Variants in FBXL17 observed in about 807,000 individuals in gnomAD.
FBXL17 encodes the protein F-box/LRR-repeat protein 17.
In FBXL17, 22 loss-of-function variants were observed where a neutral mutation model predicts 66.2. The observed-to-expected ratio is 0.33, with a 90% confidence interval of 0.24 to 0.47. The LOEUF is 0.47. FBXL17 is among the 20% of genes least tolerant of loss of function. FBXL17 has a pLI of 1.00. For synonymous variants in FBXL17, 474 were observed against 400.5 expected (o/e 1.18, Z -2.19); for missense variants, 878 against 948.2 (o/e 0.93, Z 0.97).
At chr5:108,347,508 A>T (rs1747360561) in intron 4 of FBXL17, among the ~76,000 whole-genome samples, 1 of 152,230 alleles carries the variant, frequency 6.6e-6, no homozygotes, top group South Asian at 2.1e-4. Flanking sequence ...TCAGCCATAA[A>T]ACATAATAAA....
chr5:107,938,153 G>A (rs1398289606), intron 7 of FBXL17, among the ~76,000 whole-genome samples: 2 of 152,094 alleles, frequency 1.3e-5, no homozygotes, highest in Admixed American at 1.3e-4. Context: ...ATGCAAGCCT[G>A]CTGATTAGAC....
chr5:107,989,380 G>A (rs1363065602), intron 7 of FBXL17, among the ~76,000 whole-genome samples: 1 of 152,128 alleles, frequency 6.6e-6, no homozygotes, highest in South Asian at 2.1e-4. Flanking sequence ...GTAAGATCAT[G>A]TGATATTTGT....
intron 4 of FBXL17, among the ~76,000 whole-genome samples, chr5:108,307,830 T>C (rs111563472): frequency 1.3e-3 from 201 of 152,232 alleles, no homozygotes; most frequent in African/African-American, 4.7e-3. Flanking sequence ...TTGAGATACA[T>C]TGTTATAAAA....
At chr5:108,101,323 G>C (rs906044818) in intron 6 of FBXL17, among the ~76,000 whole-genome samples, 4 of 152,208 alleles carry the variant, frequency 2.6e-5, no homozygotes, top group Admixed American at 2.6e-4. Context: ...ATTGAACAAT[G>C]CCATGGTTAG....
chr5:108,375,061 T>C (rs1749325836), intron 1 of FBXL17, among the ~76,000 whole-genome samples: 1 of 152,072 alleles, frequency 6.6e-6, no homozygotes, highest in Admixed American at 6.5e-5. Flanking sequence ...GTTTATTCTT[T>C]AAAATGATGA....
At position 108,113,967 on chromosome 5, in the gene FBXL17, AG is replaced by A. The variant is rs577375466; in HGVS notation, c.1745+72149del. On this transcript the variant is annotated intron_variant, in intron 6 of 8. Transcript: ENST00000542267. Reference sequence around the variant, plus strand: ...ATCCATTTCAGTTTCTTCTATTTTTAGAACTTTTACACATAGAACAAATGTA... The same window carrying A: ...ATCCATTTCAGTTTCTTCTATTTTTAAACTTTTACACATAGAACAAATGTA... 3.1e-4 allele frequency among the ~76,000 whole-genome samples: 47 copies of A among 152,322 alleles called. No individual in the cohort carries two copies. The South Asian group carries it at 8.9e-3, about 29-fold the overall frequency.
chr5:107,863,605 GAT>G (rs1748194080), intron 8 of FBXL17, among the ~76,000 whole-genome samples: 1 of 152,038 alleles, frequency 6.6e-6, no homozygotes, highest in Admixed American at 6.6e-5. Context: ...CTAAGTTTAT[GAT>G]TGCTTAGTTT....
intron 7 of FBXL17, among the ~76,000 whole-genome samples, chr5:107,883,429 A>T (rs1036358089): frequency 1.3e-5 from 2 of 151,896 alleles, no homozygotes; most frequent in Non-Finnish European, 2.9e-5. Flanking sequence ...GCTACTGGGA[A>T]TATAAGATTC....
At chr5:108,018,331 G>C (rs1339840734) in intron 7 of FBXL17, among the ~76,000 whole-genome samples, 2 of 152,122 alleles carry the variant, frequency 1.3e-5, no homozygotes, top group African/African-American at 4.8e-5. Context: ...CTTAGAATTT[G>C]TAATAATAGG....
chr5:108,138,738 C>G (rs181514438), intron 6 of FBXL17, among the ~76,000 whole-genome samples: 3 of 152,040 alleles, frequency 2.0e-5, no homozygotes, highest in African/African-American at 7.2e-5. Context: ...ATTGGAAATA[C>G]AAAGATGAGT....
chr5:108,048,821 C>T (rs536560214), intron 6 of FBXL17, among the ~76,000 whole-genome samples: 9 of 152,000 alleles, frequency 5.9e-5, no homozygotes, highest in Middle Eastern at 3.2e-3. Flanking sequence ...AAAGGCGGAA[C>T]CTGGGATTGA....
chr5:108,133,711 A>G (rs1029358752), intron 6 of FBXL17, among the ~76,000 whole-genome samples: 5 of 152,208 alleles, frequency 3.3e-5, no homozygotes, highest in African/African-American at 1.2e-4. Context: ...ACATAAAAAA[A>G]GAAGAAAAGA....
chr5:107,959,010 C>T (rs1402936035), intron 7 of FBXL17, among the ~76,000 whole-genome samples: 1 of 152,156 alleles, frequency 6.6e-6, no homozygotes. Context: ...GGTGCGTTAG[C>T]ATCAGGAAGT....
At chr5:108,199,409 C>T (rs1234593564) in intron 5 of FBXL17, among the ~76,000 whole-genome samples, 1 of 152,132 alleles carries the variant, frequency 6.6e-6, no homozygotes, top group Admixed American at 6.6e-5. Context: ...TTATAGATTA[C>T]AGCACTGAGA....
At chr5:108,226,957 A>C (rs2029104) in intron 4 of FBXL17, among the ~76,000 whole-genome samples, 68,430 of 151,788 alleles carry the variant, frequency 0.45, 15,719 homozygotes, top group Non-Finnish European at 0.5. Flanking sequence ...GACTATACCA[A>C]TGGCTCTCCT....
intron 6 of FBXL17, among the ~76,000 whole-genome samples, chr5:108,094,774 A>C (rs1310876838): frequency 1.3e-5 from 2 of 152,084 alleles, no homozygotes; most frequent in East Asian, 3.8e-4. Context: ...TACATTATTT[A>C]CTATGATTAG....
At chr5:108,175,750 A>G (rs1008614864) in intron 6 of FBXL17, among the ~76,000 whole-genome samples, 7 of 152,208 alleles carry the variant, frequency 4.6e-5, no homozygotes, top group Non-Finnish European at 7.3e-5. Context: ...ATTATTACCA[A>G]TCAAGTTCCA....
At chr5:107,951,265 T>C (rs1202049837) in intron 7 of FBXL17, among the ~76,000 whole-genome samples, 1 of 152,242 alleles carries the variant, frequency 6.6e-6, no homozygotes, top group Non-Finnish European at 1.5e-5. Context: ...TTATGCAATA[T>C]TTCTTCCCTA....
At chr5:108,034,329 C>T (rs1746758398) in intron 6 of FBXL17, among the ~76,000 whole-genome samples, 1 of 152,152 alleles carries the variant, frequency 6.6e-6, no homozygotes, top group Admixed American at 6.5e-5. Flanking sequence ...GGTTTCTACT[C>T]TAACTGAATA....
Sources: allele counts gnomAD v4.1 joint callset (sites outside exome capture counted in the v4.1 genomes callset), GRCh38; gene constraint gnomAD v4.1.1; transcripts MANE v1.5; gene names NCBI Gene and HGNC (gene_info 2026-07-23, HGNC 2026-07-21).